The following RASSF3 variants were observed in gnomAD, a reference collection of about 807,000 sequenced individuals.
The protein encoded by RASSF3 is ras association domain-containing protein 3.
Under a neutral mutation model 19.9 loss-of-function variants are expected in RASSF3, and 19 were observed. The ratio of observed to expected loss-of-function variants is 0.96; its 90% confidence interval spans 0.67 to 1.40. The LOEUF (loss-of-function observed/expected upper bound fraction) is 1.40. Among genes scored for constraint, RASSF3 ranks in the 40% most tolerant of loss-of-function variants. The probability of loss-of-function intolerance (pLI) is 0.00; values close to 1 mark genes in which losing one functional copy is unlikely to be tolerated. For missense variants in RASSF3, 306 were observed against 289.8 expected (o/e 1.06, Z -0.41); for synonymous variants, 110 against 104.2 (o/e 1.06, Z -0.34).
At chr12:64,616,210 A>G (rs1015622860) in intron 1 of RASSF3, among the ~76,000 whole-genome samples, 1 of 152,194 alleles carries the variant, frequency 6.6e-6, no homozygotes, top group Non-Finnish European at 1.5e-5. Flanking sequence ...ATAAAGCCTC[A>G]TATTTGAGTA....
At chr12:64,521,651 G>A (rs1317535) in intron 1 of RASSF3, among the ~76,000 whole-genome samples, 42,889 of 152,050 alleles carry the variant, frequency 0.28, 6,924 homozygotes, top group Middle Eastern at 0.41. Context: ...TCTTCCATGC[G>A]TCTATGTCGC....
chr12:64,545,562 C>T (rs7302385), downstream of RASSF3, among the ~76,000 whole-genome samples: 16 of 152,082 alleles, frequency 1.1e-4, no homozygotes, highest in East Asian at 2.1e-3. Context: ...ATAAAGATCA[C>T]GTGAAAGGCG....
chr12:64,564,890 C>T lies in RASSF3; in HGVS notation c.294+23185C>T, dbSNP rs531082791. Among the ~76,000 whole-genome samples, 6 of 151,888 alleles carry T rather than the reference C, an allele frequency of 4.0e-5. No individual in the cohort carries two copies. In the South Asian group the frequency reaches 1.0e-3, roughly 26 times the overall value. ...CCAGCTCCTGGGTTCAAGTGATTCT[C>T]CTGCCTTAGCCTCCCAAGTAGCTGG... On this transcript the variant is annotated intron_variant, in intron 2 of 5. Coordinates refer to the RASSF3 transcript ENST00000637125.
At chr12:64,589,133 C>T (rs193022825) in intron 2 of RASSF3, among the ~76,000 whole-genome samples, 2 of 152,288 alleles carry the variant, frequency 1.3e-5, no homozygotes, top group East Asian at 3.9e-4. Flanking sequence ...AATGTGGCAG[C>T]CAACTCTCTT....
intron 1 of RASSF3, among the ~76,000 whole-genome samples, chr12:64,641,846 G>A (rs1340523316): frequency 6.6e-6 from 1 of 150,542 alleles, no homozygotes; most frequent in Non-Finnish European, 1.5e-5. Flanking sequence ...GGGTTCAAGC[G>A]ATTCTTCTGC....
chr12:64,676,914 G>T (rs1259503860), intron 1 of RASSF3, among the ~76,000 whole-genome samples: 1 of 151,918 alleles, frequency 6.6e-6, no homozygotes, highest in Admixed American at 6.6e-5. Flanking sequence ...GACTACAAGC[G>T]CACACCACGA....
At chr12:64,609,074 G>A (rs1387403136), upstream of RASSF3, among the ~76,000 whole-genome samples, 3 of 152,118 alleles carry the variant, frequency 2.0e-5, no homozygotes, top group Admixed American at 6.6e-5. Context: ...AGGTTTGCAA[G>A]CCTTCTTTCA....
intron 1 of RASSF3, among the ~76,000 whole-genome samples, chr12:64,636,196 A>G (rs1344018385): frequency 6.6e-6 from 1 of 151,188 alleles, no homozygotes; most frequent in Non-Finnish European, 1.5e-5. Flanking sequence ...TGCTTACTTC[A>G]ACCCCCGCTT....
chr12:64,576,776 G>A (rs914700503), intron 2 of RASSF3, among the ~76,000 whole-genome samples: 1 of 151,604 alleles, frequency 6.6e-6, no homozygotes, highest in Non-Finnish European at 1.5e-5. Flanking sequence ...GCCTCAGCCT[G>A]GGAGGTTGAG....
chr12:64,643,462 A>G (rs1871618529), intron 1 of RASSF3, among the ~76,000 whole-genome samples: 1 of 152,056 alleles, frequency 6.6e-6, no homozygotes, highest in South Asian at 2.1e-4. Context: ...GAGCCGAGGA[A>G]GGAGTTTGGG....
intron 2 of RASSF3, chr12:64,598,994 A>T (rs550656665): frequency 6.6e-6 from 1 of 150,450 alleles, no homozygotes; most frequent in South Asian, 2.1e-4. Flanking sequence ...GTTTGTGATA[A>T]ACAGTCCTTA....
At chr12:64,677,368 A>G (rs1488544327) in intron 1 of RASSF3, among the ~76,000 whole-genome samples, 2 of 152,182 alleles carry the variant, frequency 1.3e-5, no homozygotes. Flanking sequence ...GGGCTCCCTC[A>G]ATACCTCTGC....
At chr12:64,575,287 C>T (rs1869577230) in intron 2 of RASSF3, among the ~76,000 whole-genome samples, 1 of 152,144 alleles carries the variant, frequency 6.6e-6, no homozygotes, top group South Asian at 2.1e-4. Context: ...GGCGTGGTGG[C>T]TCATGCCTAT....
At chr12:64,579,862 T>C (rs1312113105) in intron 2 of RASSF3, among the ~76,000 whole-genome samples, 17 of 146,552 alleles carry the variant, frequency 1.2e-4, no homozygotes, top group Admixed American at 1.1e-3. Context: ...CAGGCTGGAG[T>C]GGAATGCAGT....
At chr12:64,542,094 A>C (rs1868943442), downstream of RASSF3, among the ~76,000 whole-genome samples, 1 of 152,090 alleles carries the variant, frequency 6.6e-6, no homozygotes, top group Non-Finnish European at 1.5e-5. Context: ...CCTCAGCGTG[A>C]GTCTGAGACC....
chr12:64,522,065 G>A (rs1423762392), intron 1 of RASSF3, among the ~76,000 whole-genome samples: 3 of 152,118 alleles, frequency 2.0e-5, no homozygotes, highest in African/African-American at 4.8e-5. Flanking sequence ...CTTTAGGCAC[G>A]GTAAACTTTT....
At chr12:64,623,147 G>T (rs1210326665) in intron 1 of RASSF3, among the ~76,000 whole-genome samples, 2 of 152,034 alleles carry the variant, frequency 1.3e-5, no homozygotes, top group Non-Finnish European at 2.9e-5. Flanking sequence ...ACAAATGCTT[G>T]TTTCGAGGAA....
intron 2 of RASSF3, among the ~76,000 whole-genome samples, chr12:64,593,324 C>A (rs934959168): frequency 6.6e-6 from 1 of 152,168 alleles, no homozygotes; most frequent in African/African-American, 2.4e-5. Flanking sequence ...GGGGTTCAAG[C>A]AATTCTCCTG....
intron 2 of RASSF3, among the ~76,000 whole-genome samples, chr12:64,588,610 T>G (rs149150649): frequency 6.6e-6 from 1 of 152,154 alleles, no homozygotes. Flanking sequence ...AGGAAAGCAT[T>G]TTTTAAATGT....
Sources: allele counts gnomAD v4.1 joint callset (sites outside exome capture counted in the v4.1 genomes callset), GRCh38; gene constraint gnomAD v4.1.1; transcripts MANE v1.5; gene names NCBI Gene and HGNC (gene_info 2026-07-23, HGNC 2026-07-21).